Variants in SMARCA2 observed in about 807,000 individuals in gnomAD.
SMARCA2 encodes SWI/SNF-related matrix-associated actin-dependent regulator of chromatin subfamily A member 2.
A neutral mutation model predicts 199.8 loss-of-function variants in SMARCA2; 61 were observed. That is an observed-to-expected ratio of 0.31 (90% CI 0.25 to 0.38). The LOEUF (loss-of-function observed/expected upper bound fraction) is 0.38. Among genes scored for constraint, SMARCA2 ranks in the 10% least tolerant of loss-of-function variants. SMARCA2 has a pLI of 1.00. For missense variants in SMARCA2, 1,344 were observed against 2,012.2 expected, an observed-to-expected ratio of 0.67 and a Z score of 6.35; for synonymous variants, 935 against 732.0, an observed-to-expected ratio of 1.28 and a Z score of -4.48.
At chr9:2,067,699 A>G (rs763914938) in intron 9 of SMARCA2, among the ~76,000 whole-genome samples, 1 of 152,212 alleles carries the variant, frequency 6.6e-6, no homozygotes, top group Non-Finnish European at 1.5e-5. Context: ...AATTACAGAG[A>G]GCTAAGATTG....
chr9:2,153,276 C>A (rs376699441), intron 27 of SMARCA2, among the ~76,000 whole-genome samples: 1 of 152,192 alleles, frequency 6.6e-6, no homozygotes, highest in Non-Finnish European at 1.5e-5. Flanking sequence ...ATTGCTTGCT[C>A]CTGTAATCCC....
At chr9:2,126,849 G>A (rs77406953) in intron 27 of SMARCA2, among the ~76,000 whole-genome samples, 2 of 152,312 alleles carry the variant, frequency 1.3e-5, no homozygotes, top group East Asian at 3.9e-4. Context: ...TGTCTGTGTA[G>A]CCCCTCCAGT....
intron 1 of SMARCA2, among the ~76,000 whole-genome samples, chr9:2,018,444 A>G (rs1445580766): frequency 1.3e-5 from 2 of 152,214 alleles, no homozygotes; most frequent in Non-Finnish European, 2.9e-5. Flanking sequence ...GAGAGGTGTC[A>G]TCATTGTCTC....
At chr9:2,134,858 T>C (rs760604401) in intron 27 of SMARCA2, among the ~76,000 whole-genome samples, 1 of 152,108 alleles carries the variant, frequency 6.6e-6, no homozygotes, top group African/African-American at 2.4e-5. Context: ...CTGCAAGCTG[T>C]AAGAGGGCTC....
chr9:2,040,988 C>A (rs985257961), intron 4 of SMARCA2: 2 of 180,652 alleles, frequency 1.1e-5, no homozygotes, highest in Non-Finnish European at 2.3e-5. Flanking sequence ...ACTTCCTTGA[C>A]GTTGATACCA....
rs1195104873 is a variant in SMARCA2, at chr9:2,017,336, C to G, written c.-37+1932C>G. 2 of 152,102 alleles carry G rather than the reference C, an allele frequency of 1.3e-5. No individual in the cohort carries two copies. Among genetic ancestry groups the G allele is most frequent in the African/African-American group, 4.8e-5 (2 of 41,292 alleles). 9.4% of individuals were successfully genotyped at this position (152,102 alleles called of 1,614,324 possible). On this transcript the variant is annotated intron_variant, in intron 1 of 33. Coordinates refer to ENST00000349721, the MANE Select transcript of SMARCA2 (RefSeq NM_003070.5). The surrounding 1 kb of genome is among the most constrained non-coding windows in gnomAD (Gnocchi z 8.8). ...GAGGGGTGGGAGGGGGCTGCGAGCT[C>G]CCGCGGCTCCAGCCTCCGCGCCCTC...
At chr9:2,187,671 T>C (rs184872989) in intron 32 of SMARCA2, among the ~76,000 whole-genome samples, 1 of 151,942 alleles carries the variant, frequency 6.6e-6, no homozygotes, top group African/African-American at 2.4e-5. Flanking sequence ...AACAAAACTC[T>C]ATCTAAAAAA....
In SMARCA2 at chr9:2,161,974, AGTT is replaced by A. The variant is rs752821775; in HGVS notation, c.4199+75_4199+77del. 4.1e-6 allele frequency: 5 copies of A among 1,225,070 alleles called. No homozygotes were observed. The highest frequency in any genetic ancestry group is 5.8e-6 in the Non-Finnish European group (5 of 856,922). 75.9% of individuals were successfully genotyped at this position (1,225,070 alleles called of 1,614,324 possible). ...CGAGTGGCGCTCCCTGAGGAGCAGG[AGTT>A]GTTAAGTTGTGCACTTAGGTTTTAT... On this transcript the variant is annotated intron_variant, in intron 28 of 33. Transcript: ENST00000349721. This position sits in a 1 kb window ranked among gnomAD's most constrained non-coding sequence, Gnocchi z 4.7.
Position 2,056,394 on chromosome 9 carries a change from A to C in SMARCA2, c.1174-278A>C, listed in dbSNP as rs1820355879. On this transcript the variant is annotated intron_variant, in intron 6 of 33. Coordinates refer to ENST00000349721, the MANE Select transcript of SMARCA2 (RefSeq NM_003070.5). This position sits in a 1 kb window ranked among gnomAD's most constrained non-coding sequence, Gnocchi z 4.0. ...AATTAGAGAAAATGAAGTTATTTAA[A>C]AGGCAAGACAACATCTTTTCTTTCT... Among the ~76,000 whole-genome samples the C allele has an allele frequency of 6.6e-6, 1 of 152,220 alleles. No individual in the cohort carries two copies. Among genetic ancestry groups the C allele is most frequent in the Non-Finnish European group, 1.5e-5 (1 of 68,034 alleles).
chr9:2,032,900 G>T lies in SMARCA2; in HGVS notation c.226-52G>T, dbSNP rs377532438. 289 of 1,554,880 alleles carry T rather than the reference G, an allele frequency of 1.9e-4. 1 individual carries two copies. In the African/African-American group the frequency reaches 3.7e-3, roughly 20 times the overall value. The stretch of plus-strand genomic sequence containing the variant: ...GGAAGGGGTCTGAAAACTCCAAATA[G>T]AAATATTTTACCTTATAGAGGTGTC... On this transcript the variant is annotated intron_variant, in intron 2 of 33. Coordinates refer to ENST00000349721, the MANE Select transcript of SMARCA2 (RefSeq NM_003070.5).
intron 1 of SMARCA2, among the ~76,000 whole-genome samples, chr9:2,028,327 A>T (rs970878003): frequency 1.3e-5 from 2 of 149,750 alleles, no homozygotes; most frequent in African/African-American, 2.5e-5. Context: ...TTGTGCTGAG[A>T]CTACAGCTGT....
intron 21 of SMARCA2, among the ~76,000 whole-genome samples, chr9:2,099,298 T>A (rs1822405255): frequency 6.6e-6 from 1 of 152,196 alleles, no homozygotes; most frequent in South Asian, 2.1e-4. Flanking sequence ...TCTAACCTGT[T>A]ACCCACTGTC....
chr9:2,127,215 A>T (rs1458600347), intron 27 of SMARCA2, among the ~76,000 whole-genome samples: 2 of 151,942 alleles, frequency 1.3e-5, no homozygotes, highest in African/African-American at 4.8e-5. Flanking sequence ...GTAGTTGCCA[A>T]CCTGCCTGCT....
intron 24 of SMARCA2, among the ~76,000 whole-genome samples, chr9:2,111,958 G>T (rs530767664): frequency 6.6e-6 from 1 of 152,292 alleles, no homozygotes; most frequent in Non-Finnish European, 1.5e-5. Context: ...TCTTGAAAAG[G>T]ATTGGGAGCC....
chr9:2,183,077 C>A (rs1173466705), intron 31 of SMARCA2, among the ~76,000 whole-genome samples: 6 of 152,188 alleles, frequency 3.9e-5, no homozygotes, highest in African/African-American at 1.4e-4. Flanking sequence ...AGGTGTGCAC[C>A]ACTGTGCCAG....
At chr9:2,022,321 T>C (rs112795031) in intron 1 of SMARCA2, among the ~76,000 whole-genome samples, 2 of 152,210 alleles carry the variant, frequency 1.3e-5, no homozygotes, top group African/African-American at 4.8e-5. Context: ...TATCTCATAT[T>C]TTATTTGATT....
intron 29 of SMARCA2, among the ~76,000 whole-genome samples, chr9:2,178,198 G>C (rs780256799): frequency 9.9e-5 from 15 of 152,158 alleles, no homozygotes; most frequent in Non-Finnish European, 2.9e-5. Flanking sequence ...CCATGAAGAG[G>C]AGAGGTTCTT....
chr9:2,122,515 A>C (rs912135287), intron 26 of SMARCA2, among the ~76,000 whole-genome samples: 3 of 152,222 alleles, frequency 2.0e-5, no homozygotes, highest in Non-Finnish European at 4.4e-5. Flanking sequence ...ATGACAGAGC[A>C]AGGTGGCCAC....
intron 4 of SMARCA2, chr9:2,045,103 AATG>A (rs1475510930): frequency 1.6e-4 from 24 of 152,348 alleles, no homozygotes; most frequent in African/African-American, 5.3e-4. Flanking sequence ...GTACAAGTGA[AATG>A]ATAACATGAT....
Sources: gnomAD v4.1 joint callset for allele counts (sites outside exome capture counted in the v4.1 genomes callset) on GRCh38, gnomAD v4.1.1 for gene constraint, Gnocchi (gnomAD v3.1) non-coding constraint, MANE v1.5 for transcripts, NCBI Gene and HGNC (gene_info 2026-07-23, HGNC 2026-07-21) for gene names.